Variants in NCKAP5 observed in about 807,000 individuals in gnomAD.
NCKAP5 encodes the protein nck-associated protein 5.
A neutral mutation model predicts 167.0 loss-of-function variants in NCKAP5; 92 were observed. That is an observed-to-expected ratio of 0.55 (90% confidence interval 0.47 to 0.66). The LOEUF is 0.66. NCKAP5 is among the 30% of genes least tolerant of loss of function. The pLI is 0.00. For missense variants in NCKAP5, 2,378 were observed against 2,315.0 expected (o/e 1.03, Z -0.56); for synonymous variants, 891 against 877.4 (o/e 1.02, Z -0.27).
At chr2:133,223,293 T>C (rs2086733126) in intron 4 of NCKAP5, among the ~76,000 whole-genome samples, 1 of 152,158 alleles carries the variant, frequency 6.6e-6, no homozygotes, top group African/African-American at 2.4e-5. Context: ...TCCCCATTTC[T>C]GGTGGATCCC....
At chr2:133,575,805 C>T in the NCKAP5 span, among the ~76,000 whole-genome samples, 1 of 152,218 alleles carries the variant, frequency 6.6e-6, no homozygotes, top group Non-Finnish European at 1.5e-5. Context: ...GTACATTCTT[C>T]TTTCCCTGTC....
At chr2:132,678,324 A>T (rs1444685876) in intron 19 of NCKAP5, among the ~76,000 whole-genome samples, 1 of 152,182 alleles carries the variant, frequency 6.6e-6, no homozygotes. Context: ...ATTATTTCAA[A>T]TACATTTCCA....
intron 16 of NCKAP5, among the ~76,000 whole-genome samples, chr2:132,743,274 T>G (rs963452535): frequency 6.6e-6 from 1 of 151,708 alleles, no homozygotes; most frequent in African/African-American, 2.4e-5. Context: ...GGGACAGATA[T>G]GAGGATCAAG....
intron 6 of NCKAP5, among the ~76,000 whole-genome samples, chr2:133,099,640 G>A (rs1261298912): frequency 1.3e-5 from 2 of 152,088 alleles, no homozygotes; most frequent in African/African-American, 4.8e-5. Context: ...CCTACCAAAT[G>A]ATCAGATAGA....
intron 6 of NCKAP5, among the ~76,000 whole-genome samples, chr2:133,106,471 G>A (rs1179609140): frequency 1.3e-5 from 2 of 152,094 alleles, no homozygotes; most frequent in Non-Finnish European, 2.9e-5. Flanking sequence ...ATTATTTGGG[G>A]TGTATTTATA....
chr2:132,905,722 G>A (rs1056176465), intron 8 of NCKAP5, among the ~76,000 whole-genome samples: 11 of 151,940 alleles, frequency 7.2e-5, no homozygotes, highest in Non-Finnish European at 1.5e-4. Context: ...GAATTTTCCC[G>A]ATAATTTTTG....
At chr2:133,186,931 A>AT (rs952487548) in intron 5 of NCKAP5, among the ~76,000 whole-genome samples, 5 of 150,708 alleles carry the variant, frequency 3.3e-5, no homozygotes, top group Admixed American at 1.3e-4. Flanking sequence ...CTTTTTTACA[A>AT]TTTTTTTTGC....
intron 5 of NCKAP5, among the ~76,000 whole-genome samples, chr2:133,145,575 G>T (rs1369553645): frequency 1.3e-5 from 2 of 151,974 alleles, no homozygotes; most frequent in Non-Finnish European, 2.9e-5. Context: ...CAATATATGA[G>T]CTGGCCTAGG....
At chr2:132,710,504 C>T (rs1302862749) in intron 19 of NCKAP5, among the ~76,000 whole-genome samples, 1 of 152,172 alleles carries the variant, frequency 6.6e-6, no homozygotes, top group Non-Finnish European at 1.5e-5. Flanking sequence ...AAAGGTAGAA[C>T]ACTCTTCCCA....
chr2:133,604,548 A>G, the NCKAP5 span, among the ~76,000 whole-genome samples: 1 of 151,956 alleles, frequency 6.6e-6, no homozygotes, highest in Non-Finnish European at 1.5e-5. Flanking sequence ...GGGGAATTCT[A>G]CTGTTTATTC....
Position 133,317,665 on chromosome 2 carries a change from C to T in NCKAP5, c.70-14555G>A, listed in dbSNP as rs939719338. Among the ~76,000 whole-genome samples the T allele has an allele frequency of 5.3e-5, 8 of 152,194 alleles. 1 individual carries two copies. Among genetic ancestry groups the T allele is most frequent in the Admixed American group, 4.6e-4 (7 of 15,288 alleles). On this transcript the variant is annotated intron_variant, in intron 3 of 19. Transcript: ENST00000409261. ...TGCATCCTTCGCCAGCTGTAGCCGA[C>T]TTAGTGCTGAAAACACTTGAACTTG...
chr2:133,062,930 C>T (rs2080058522), intron 6 of NCKAP5, among the ~76,000 whole-genome samples: 1 of 152,078 alleles, frequency 6.6e-6, no homozygotes, highest in South Asian at 2.1e-4. Flanking sequence ...TGTTTTTCTG[C>T]CTAAATTACA....
At chr2:133,024,952 A>G (rs2078645535) in intron 6 of NCKAP5, among the ~76,000 whole-genome samples, 1 of 152,264 alleles carries the variant, frequency 6.6e-6, no homozygotes, top group South Asian at 2.1e-4. Context: ...TATGCCATAT[A>G]GAAAATATGA....
intron 2 of NCKAP5, among the ~76,000 whole-genome samples, chr2:133,545,065 C>T (rs1372404235): frequency 2.6e-5 from 4 of 152,118 alleles, no homozygotes; most frequent in African/African-American, 9.7e-5. Flanking sequence ...TGGGTCCCTA[C>T]AAAACGAGGG....
At chr2:132,886,371 G>A (rs971130575) in intron 8 of NCKAP5, among the ~76,000 whole-genome samples, 4 of 152,052 alleles carry the variant, frequency 2.6e-5, no homozygotes, top group African/African-American at 7.2e-5. Flanking sequence ...TTAATACTTC[G>A]GCATGTACTT....
At chr2:133,127,140 T>C (rs2149784687) in intron 6 of NCKAP5, among the ~76,000 whole-genome samples, 1 of 152,312 alleles carries the variant, frequency 6.6e-6, no homozygotes, top group East Asian at 1.9e-4. Context: ...GATGACCATA[T>C]TGGATGCTAA....
At chr2:133,122,345 A>T (rs1409817986) in intron 6 of NCKAP5, 1 of 152,232 alleles carries the variant, frequency 6.6e-6, no homozygotes, top group East Asian at 1.9e-4. Flanking sequence ...GAGTAGGAAC[A>T]GTAATGTATC....
intron 8 of NCKAP5, among the ~76,000 whole-genome samples, chr2:132,894,440 A>G (rs753818815): frequency 2.6e-5 from 4 of 152,206 alleles, no homozygotes; most frequent in Non-Finnish European, 4.4e-5. Context: ...CCATGTAATG[A>G]CTTTTTTTTC....
chr2:133,411,619 C>A (rs775895696), intron 3 of NCKAP5, among the ~76,000 whole-genome samples: 1 of 152,126 alleles, frequency 6.6e-6, no homozygotes, highest in African/African-American at 2.4e-5. Flanking sequence ...AAGCTAGCAG[C>A]AGCATGAAAC....
Sources: gnomAD v4.1 joint callset for allele counts (sites outside exome capture counted in the v4.1 genomes callset) on GRCh38, gnomAD v4.1.1 for gene constraint, MANE v1.5 for transcripts, NCBI Gene and HGNC (gene_info 2026-07-23, HGNC 2026-07-21) for gene names.